Variants in FAF1 observed in about 807,000 individuals in gnomAD.
FAF1 encodes Fas associated factor 1, also known as FAS-associated factor 1.
Under a neutral mutation model 92.5 loss-of-function variants are expected in FAF1, and 25 were observed. The ratio of observed to expected loss-of-function variants is 0.27; its 90% confidence interval spans 0.20 to 0.38. The LOEUF (loss-of-function observed/expected upper bound fraction) is 0.38, where lower values mean the gene tolerates loss of function less well. Among genes scored for constraint, FAF1 ranks in the 10% least tolerant of loss-of-function variants. The probability of loss-of-function intolerance (pLI) is 1.00; values close to 1 mark genes in which losing one functional copy is unlikely to be tolerated. For missense variants in FAF1, 636 were observed against 793.3 expected (o/e 0.80, Z 2.38); for synonymous variants, 234 against 273.2 (o/e 0.86, Z 1.42).
At chr1:50,489,790 G>GT (rs894234155) in intron 17 of FAF1, among the ~76,000 whole-genome samples, 17 of 152,310 alleles carry the variant, frequency 1.1e-4, no homozygotes, top group African/African-American at 3.6e-4. Context: ...GTAACTCACA[G>GT]TATCTTTTGG....
chr1:50,774,538 A>G (rs564804801), intron 4 of FAF1, among the ~76,000 whole-genome samples: 165 of 152,304 alleles, frequency 1.1e-3, no homozygotes, highest in African/African-American at 3.8e-3. Context: ...ATAGTATCCA[A>G]TATAGTAAAA....
chr1:50,767,030 A>G (rs1165788399), intron 4 of FAF1, among the ~76,000 whole-genome samples: 1 of 152,218 alleles, frequency 6.6e-6, no homozygotes, highest in Non-Finnish European at 1.5e-5. Context: ...GATCATCAAG[A>G]TTCAGGAGAA....
At chr1:50,686,379 C>T (rs1656657621) in intron 7 of FAF1, among the ~76,000 whole-genome samples, 1 of 151,976 alleles carries the variant, frequency 6.6e-6, no homozygotes, top group African/African-American at 2.4e-5. Context: ...CCCGTCCCTA[C>T]TAAAAATACA....
intron 4 of FAF1, among the ~76,000 whole-genome samples, chr1:50,766,687 TC>T (rs1660582405): frequency 6.9e-6 from 1 of 145,118 alleles, no homozygotes; most frequent in Non-Finnish European, 1.5e-5. Flanking sequence ...CCCCAACAAC[TC>T]CAAAGGAAGG....
At chr1:50,686,766 G>A (rs984713854) in intron 7 of FAF1, among the ~76,000 whole-genome samples, 3 of 152,038 alleles carry the variant, frequency 2.0e-5, no homozygotes, top group African/African-American at 7.2e-5. Flanking sequence ...AAACACCTAG[G>A]CAATATGACA....
At chr1:50,592,964 G>A (rs1651596548) in intron 9 of FAF1, among the ~76,000 whole-genome samples, 1 of 151,168 alleles carries the variant, frequency 6.6e-6, no homozygotes, top group Admixed American at 6.6e-5. Flanking sequence ...AAAGAAAGAT[G>A]ATTGTCTTAA....
intron 2 of FAF1, among the ~76,000 whole-genome samples, chr1:50,820,935 A>T (rs887020851): frequency 6.6e-6 from 1 of 152,256 alleles, no homozygotes; most frequent in East Asian, 1.9e-4. Context: ...TATGTTAGCT[A>T]ATGTGAATAA....
chr1:50,622,244 C>G (rs935309425), intron 8 of FAF1, among the ~76,000 whole-genome samples: 2 of 152,242 alleles, frequency 1.3e-5, no homozygotes, highest in East Asian at 3.9e-4. Flanking sequence ...AAGGGTCCGC[C>G]GTAGCTAGGC....
chr1:50,772,483 T>C (rs891955179), intron 4 of FAF1, among the ~76,000 whole-genome samples: 6 of 152,004 alleles, frequency 3.9e-5, no homozygotes, highest in Non-Finnish European at 1.5e-5. Context: ...ATGAAGAAAA[T>C]ATCGTACATT....
At chr1:50,724,656 T>C (rs1467196693) in intron 6 of FAF1, among the ~76,000 whole-genome samples, 1 of 152,136 alleles carries the variant, frequency 6.6e-6, no homozygotes, top group Non-Finnish European at 1.5e-5. Flanking sequence ...GCTTTCCCAC[T>C]CCCCCTTCCT....
chr1:50,725,920 C>A (rs1658630037), intron 6 of FAF1, among the ~76,000 whole-genome samples: 2 of 152,146 alleles, frequency 1.3e-5, no homozygotes, highest in Non-Finnish European at 2.9e-5. Context: ...TGCTTGACTG[C>A]AGGACTAGAG....
At chr1:50,762,954 C>G (rs1660390047) in intron 4 of FAF1, among the ~76,000 whole-genome samples, 1 of 152,050 alleles carries the variant, frequency 6.6e-6, no homozygotes, top group Non-Finnish European at 1.5e-5. Flanking sequence ...ATAAATCTCT[C>G]TTTTAAAATA....
rs185168247 is a variant in FAF1, at chr1:50,678,835, C to G, written c.658-23307G>C. ...GTCATGGTGGCTCACGCCTGTAATC[C>G]CAACACTTTGGGAGGCCGAGGCAGG... On this transcript the variant is annotated intron_variant, in intron 7 of 18. Coordinates refer to ENST00000396153, the MANE Select transcript of FAF1 (RefSeq NM_007051.3). Among the ~76,000 whole-genome samples, 923 of 144,984 alleles carry G rather than the reference C, an allele frequency of 6.4e-3. 15 individuals are homozygous for G. The highest frequency in any genetic ancestry group is 0.023 in the African/African-American group (865 of 38,278).
intron 4 of FAF1, among the ~76,000 whole-genome samples, chr1:50,779,338 T>C (rs1377509430): frequency 6.6e-6 from 1 of 152,238 alleles, no homozygotes; most frequent in Non-Finnish European, 1.5e-5. Context: ...TATCTTAGAA[T>C]GGTGAGTCCT....
At chr1:50,954,612 C>T (rs1270627413) in intron 1 of FAF1, among the ~76,000 whole-genome samples, 2 of 140,552 alleles carry the variant, frequency 1.4e-5, no homozygotes, top group African/African-American at 5.3e-5. Flanking sequence ...ATGATCTTGG[C>T]TCACTGAAAC....
intron 4 of FAF1, among the ~76,000 whole-genome samples, chr1:50,751,546 G>A (rs573769203): frequency 3.3e-5 from 5 of 152,214 alleles, no homozygotes; most frequent in South Asian, 2.1e-4. Context: ...GTTTCACCAC[G>A]TTGGCCAGAC....
chr1:50,477,495 T>C (rs765268435), intron 17 of FAF1, among the ~76,000 whole-genome samples: 2 of 152,216 alleles, frequency 1.3e-5, no homozygotes, highest in African/African-American at 2.4e-5. Context: ...TTTTTGCTTT[T>C]TTTTCAGTCA....
chr1:50,729,002 TTATC>T lies in FAF1; in HGVS notation c.551+9857_551+9860del, dbSNP rs763620552. 2.0e-3 allele frequency among the ~76,000 whole-genome samples: 227 copies of T among 114,918 alleles called. 5 individuals are homozygous for T. The East Asian group carries it at 0.022, about 11-fold the overall frequency. The allele number at this position is 114,918 out of a possible 152,430, so 75.4% of individuals were successfully genotyped here. A position where few individuals can be genotyped will look rare whatever the true frequency, so the allele number is the denominator to read the frequency against. ...AGGCTGAGAGAAGCCAAAGAAAACT[TTATC>T]TATCTATCTATCTATCTATCTATCT... On this transcript the variant is annotated intron_variant, in intron 6 of 18. Coordinates refer to ENST00000396153, the MANE Select transcript of FAF1 (RefSeq NM_007051.3).
chr1:50,895,887 G>C (rs1299757412), intron 1 of FAF1, among the ~76,000 whole-genome samples: 5 of 152,054 alleles, frequency 3.3e-5, no homozygotes, highest in Admixed American at 2.0e-4. Flanking sequence ...TGGGTATAGA[G>C]AGAACATAAC....
Sources: gnomAD v4.1 joint callset for allele counts (sites outside exome capture counted in the v4.1 genomes callset) on GRCh38, gnomAD v4.1.1 for gene constraint, MANE v1.5 for transcripts, NCBI Gene and HGNC (gene_info 2026-07-23, HGNC 2026-07-21) for gene names.